Variants in SEC14L4 observed in about 807,000 individuals in gnomAD.
SEC14L4 encodes SEC14 like lipid binding 4.
SEC14L4 carries 42 observed loss-of-function variants against 55.1 expected under a neutral mutation model. The ratio of observed to expected loss-of-function variants is 0.76; its 90% CI spans 0.60 to 0.99. The LOEUF (loss-of-function observed/expected upper bound fraction) is 0.99, where lower values mean the gene tolerates loss of function less well. Ranked by LOEUF, SEC14L4 falls within the 50% of genes least tolerant of loss-of-function variation. The pLI is 0.00. For synonymous variants in SEC14L4, 206 were observed against 206.8 expected (o/e 1.00, Z 0.03); for missense variants, 445 against 512.1 (o/e 0.87, Z 1.27).
intron 2 of SEC14L4, among the ~76,000 whole-genome samples, chr22:30,501,961 G>T (rs2146201350): frequency 6.7e-6 from 1 of 148,944 alleles, no homozygotes; most frequent in East Asian, 2.0e-4. Context: ...CCGCCTCCTG[G>T]GTTCAAGTGA....
intron 7 of SEC14L4, among the ~76,000 whole-genome samples, chr22:30,493,494 G>A (rs1936034210): frequency 6.6e-6 from 1 of 152,164 alleles, no homozygotes; most frequent in Admixed American, 6.5e-5. Flanking sequence ...CTCTGACTCT[G>A]GAACACATGA....
intron 11 of SEC14L4, 194 bp downstream of exon 11, chr22:30,491,379 T>A (rs1427993019): frequency 3.1e-6 from 2 of 645,966 alleles, no homozygotes; most frequent in African/African-American, 3.7e-5. Flanking sequence ...AGGTTCTGAA[T>A]ACCAGCTCTT....
intron 2 of SEC14L4, among the ~76,000 whole-genome samples, chr22:30,500,783 T>TTTTTTTTA (rs1936294415): frequency 7.1e-6 from 1 of 141,010 alleles, no homozygotes; most frequent in African/African-American, 2.7e-5. Flanking sequence ...TTTTTTTTTT[T>TTTTTTTTA]AGTAACACCT....
chr22:30,497,752 A>G (rs930483841), intron 2 of SEC14L4, among the ~76,000 whole-genome samples: 3 of 152,178 alleles, frequency 2.0e-5, no homozygotes, highest in African/African-American at 4.8e-5. Context: ...ACAAGCCACC[A>G]AGTTCACCTA....
rs1260443564 is a variant in SEC14L4, at chr22:30,490,116, T to G, written c.1212A>C (p.Pro404=). The G allele has an allele frequency of 6.2e-7, 1 of 1,613,888 alleles. No individual in the cohort carries two copies. Among genetic ancestry groups the G allele is most frequent in the Admixed American group, 1.7e-5 (1 of 60,002 alleles). ...LQSLKAMRPS[P]TQ ...GAGGTGGCTGGGGTCTTCACTGTGT[T>G]GGGGAGGGTCTCATCGCCTTGAGAC... The change falls in exon 12 of 12, where the codon CCA becomes CCC. Residue 404 remains proline, a synonymous_variant. Transcript: ENST00000255858.
chr22:30,500,938 G>T (rs1445547378), intron 2 of SEC14L4, among the ~76,000 whole-genome samples: 1 of 151,450 alleles, frequency 6.6e-6, no homozygotes, highest in Non-Finnish European at 1.5e-5. Context: ...GCTCATACCT[G>T]TAATCCCCGC....
intron 2 of SEC14L4, among the ~76,000 whole-genome samples, chr22:30,502,291 C>A (rs1226549022): frequency 6.6e-6 from 1 of 152,196 alleles, no homozygotes; most frequent in Non-Finnish European, 1.5e-5. Flanking sequence ...ACTCACAGCG[C>A]CCTGAAGGTA....
In SEC14L4 at chr22:30,498,391, ATGCCC is replaced by A. The variant is rs1210573683; in HGVS notation, c.131-2425_131-2421del. Among the ~76,000 whole-genome samples, 6 of 152,126 alleles carry A rather than the reference ATGCCC, an allele frequency of 3.9e-5. No individual in the cohort carries two copies. In the East Asian group the frequency reaches 9.7e-4, roughly 24 times the overall value. ...GCTGGGATTACAGGTGTGAGCCACC[ATGCCC>A]TGCCCGCTACTGATTTTTATATCTG... is the stretch of plus-strand genomic sequence containing the variant. On this transcript the variant is annotated intron_variant, in intron 2 of 11. Transcript: ENST00000255858.
chr22:30,496,477 G>T (rs1936154560), intron 2 of SEC14L4, among the ~76,000 whole-genome samples: 1 of 152,040 alleles, frequency 6.6e-6, no homozygotes, highest in Non-Finnish European at 1.5e-5. Flanking sequence ...AGACTGGAGA[G>T]CCCTTGATTT....
rs1017953031 is a variant in SEC14L4, at chr22:30,505,684, C to A, written c.-73G>T. 1.2e-5 allele frequency: 17 copies of A among 1,420,772 alleles called. No individual in the cohort carries two copies. The highest frequency in any genetic ancestry group is 1.5e-5 in the Non-Finnish European group (16 of 1,058,898). 88.0% of individuals were successfully genotyped at this position (1,420,772 alleles called of 1,614,324 possible). ...CCGCCGCCTGGCCTTGTATCCGCTG[C>A]CGCCTGGTTGTGCCTCCTGGGCCAG... is the stretch of plus-strand genomic sequence containing the variant. On this transcript the variant is annotated 5_prime_UTR_variant, in exon 1 of 12. Transcript: ENST00000255858.
intron 11 of SEC14L4, 130 bp from the exon 12 acceptor site, chr22:30,490,376 A>G: frequency 4.1e-6 from 6 of 1,467,756 alleles, no homozygotes; most frequent in Non-Finnish European, 5.5e-6. Flanking sequence ...CATCCCTGGA[A>G]CCCTTGGAAA....
rs373622881 is a variant in SEC14L4 at position 30,491,560 on chromosome 22, C to T, written c.1081+13G>A. On this transcript the variant is annotated intron_variant, in intron 11 of 11. Coordinates refer to ENST00000255858, the MANE Select transcript of SEC14L4 (RefSeq NM_174977.4). ...GCAGGGAAAACAATTCCAGTAAACC[C>T]CGCAGCTCTTACAGACGCCAGCCTG... is the stretch of plus-strand genomic sequence containing the variant. The T allele has an allele frequency of 7.4e-6, 12 of 1,614,046 alleles. No homozygotes were observed. Among genetic ancestry groups the T allele is most frequent in the Non-Finnish European group, 1.0e-5 (12 of 1,179,972 alleles).
Position 30,494,203 on chromosome 22 carries a change from C to G in SEC14L4, c.527G>C (p.Ser176Thr), listed in dbSNP as rs1936062980. 6.2e-7 allele frequency: 1 copy of G among 1,613,388 alleles called. No individual in the cohort carries two copies. The highest frequency in any genetic ancestry group is 1.3e-5 in the African/African-American group (1 of 74,888). ...CTCAGGATAATTTGCTTCCAGGATG[C>G]TAAAAAACTGTGGAGTCAAGATGAG... Reference protein sequence around the residue: ...PAVEVYQQFFSILEANYPETL... With the variant: ...PAVEVYQQFFTILEANYPETL... Residue 176 changes from serine to threonine, a missense_variant, in exon 7 of 12, where the codon AGC becomes ACC. Ser to Thr is a moderately conservative substitution (Grantham distance 58, BLOSUM62 1). Transcript: ENST00000255858.
intron 2 of SEC14L4, among the ~76,000 whole-genome samples, chr22:30,497,429 G>A (rs1167789915): frequency 6.6e-6 from 1 of 151,846 alleles, no homozygotes; most frequent in East Asian, 1.9e-4. Context: ...GGAGGCTGAG[G>A]CACAAGAATC....
At chr22:30,495,765 A>G in intron 3 of SEC14L4, 123 bp from the exon 4 acceptor site, 1 of 1,604,560 alleles carries the variant, frequency 6.2e-7, no homozygotes, top group South Asian at 1.1e-5. Context: ...GCGTGGGGAC[A>G]GGAGGTGGGC....
intron 7 of SEC14L4, 119 bp downstream of exon 7, chr22:30,494,031 C>T: frequency 1.3e-6 from 1 of 766,198 alleles, no homozygotes; most frequent in Non-Finnish European, 2.2e-6. Flanking sequence ...AAACCAACCA[C>T]ACAAAACCTG....
At chr22:30,496,524 T>C (rs1936155838) in intron 2 of SEC14L4, among the ~76,000 whole-genome samples, 1 of 152,084 alleles carries the variant, frequency 6.6e-6, no homozygotes, top group Admixed American at 6.6e-5. Flanking sequence ...TGGAGGCCAA[T>C]CTAGCCTGTA....
Position 30,489,929 on chromosome 22 carries a change from AC to A in SEC14L4, c.*177del. 1.9e-6 allele frequency: 3 copies of A among 1,551,906 alleles called. No individual in the cohort carries two copies. In the South Asian group the frequency reaches 3.6e-5, roughly 18 times the overall value. Reference sequence around the variant, plus strand: ...TCTGAATCTTCAGCATGGGCTATGCACTGGTGGCCCCTTCCTGCTTGGCCAC... The same window carrying A: ...TCTGAATCTTCAGCATGGGCTATGCATGGTGGCCCCTTCCTGCTTGGCCAC... On this transcript the variant is annotated 3_prime_UTR_variant, in exon 12 of 12. Transcript: ENST00000255858.
At position 30,489,213 on chromosome 22, in the gene SEC14L4, C is replaced by T. The variant is rs1435179050; in HGVS notation, c.*894G>A. ...CATGCCAGGCCCCACCTCTCCATGT[C>T]CAATGTTCTTTCTTTATTTGTTTGT... On this transcript the variant is annotated 3_prime_UTR_variant, in exon 12 of 12. Coordinates refer to ENST00000255858, the MANE Select transcript of SEC14L4 (RefSeq NM_174977.4). The T allele has an allele frequency of 6.6e-6, 1 of 150,464 alleles. No homozygotes were observed. The highest frequency in any genetic ancestry group is 1.5e-5 in the Non-Finnish European group (1 of 68,734). The allele number at this position is 150,464 out of a possible 1,614,324, so 9.3% of individuals were successfully genotyped here.
Sources: gnomAD v4.1 joint callset for allele counts (sites outside exome capture counted in the v4.1 genomes callset) on GRCh38, gnomAD v4.1.1 for gene constraint, MANE v1.5 for transcripts, NCBI Gene and HGNC (gene_info 2026-07-23, HGNC 2026-07-21) for gene names.